Variants in GADL1 observed in about 807,000 individuals in gnomAD.
GADL1 encodes the protein GAD like acidic amino acid decarboxylase 1, also known as acidic amino acid decarboxylase GADL1.
GADL1 carries 71 observed loss-of-function variants against 69.5 expected under a neutral mutation model. The observed-to-expected ratio is 1.02, with a 90% CI of 0.84 to 1.25. The LOEUF is 1.25. GADL1 is among the 50% of genes most tolerant of loss of function. GADL1 has a pLI of 0.00. For synonymous variants in GADL1, 254 were observed against 214.4 expected, an observed-to-expected ratio of 1.18 and a Z score of -1.62; for missense variants, 737 against 631.8, an observed-to-expected ratio of 1.17 and a Z score of -1.79.
chr3:30,842,802 T>G (rs1697989222), intron 8 of GADL1, among the ~76,000 whole-genome samples: 2 of 139,142 alleles, frequency 1.4e-5, no homozygotes, highest in African/African-American at 5.4e-5. Flanking sequence ...ACAATAAAGT[T>G]CACTTGTCAT....
chr3:30,872,327 C>T (rs1001119727), intron 1 of GADL1, among the ~76,000 whole-genome samples: 2 of 151,826 alleles, frequency 1.3e-5, no homozygotes, highest in African/African-American at 4.8e-5. Context: ...CTGTATCTTC[C>T]TTCTTCTCTC....
chr3:30,743,523 A>G (rs947233850), intron 14 of GADL1, among the ~76,000 whole-genome samples: 1 of 152,138 alleles, frequency 6.6e-6, no homozygotes, highest in African/African-American at 2.4e-5. Flanking sequence ...AAACAGAAAC[A>G]CACGTATGGA....
chr3:30,791,336 A>G (rs1179788941), intron 12 of GADL1, among the ~76,000 whole-genome samples: 2 of 152,168 alleles, frequency 1.3e-5, no homozygotes, highest in Non-Finnish European at 2.9e-5. Context: ...CTATGAAGAA[A>G]GCTTTCTCCA....
At chr3:30,795,829 G>A (rs1231009413) in intron 12 of GADL1, among the ~76,000 whole-genome samples, 1 of 152,138 alleles carries the variant, frequency 6.6e-6, no homozygotes, top group African/African-American at 2.4e-5. Context: ...GGAATAGACT[G>A]TTGGATATCA....
At chr3:30,764,185 A>G (rs1409860223) in intron 14 of GADL1, among the ~76,000 whole-genome samples, 1 of 151,578 alleles carries the variant, frequency 6.6e-6, no homozygotes, top group Non-Finnish European at 1.5e-5. Flanking sequence ...TTCAAAACTT[A>G]GTTCTTAAGT....
intron 2 of GADL1, among the ~76,000 whole-genome samples, chr3:30,858,288 G>T (rs886521624): frequency 1.3e-5 from 2 of 151,992 alleles, no homozygotes; most frequent in African/African-American, 4.8e-5. Context: ...ACATATTATA[G>T]AGTTTGGACT....
At chr3:30,752,756 C>G (rs1157803918) in intron 14 of GADL1, among the ~76,000 whole-genome samples, 1 of 152,088 alleles carries the variant, frequency 6.6e-6, no homozygotes, top group Non-Finnish European at 1.5e-5. Context: ...AAGTGGAGTC[C>G]AAAGATTTGT....
intron 1 of GADL1, among the ~76,000 whole-genome samples, chr3:30,863,027 TCACACACACACA>T (rs397875196): frequency 1.8e-5 from 2 of 110,216 alleles, no homozygotes; most frequent in East Asian, 3.7e-4. Context: ...CATGTCTGTT[TCACACACACACA>T]CACACACACA....
At chr3:30,810,175 C>A (rs533793670) in intron 11 of GADL1, among the ~76,000 whole-genome samples, 3 of 152,284 alleles carry the variant, frequency 2.0e-5, no homozygotes, top group Admixed American at 2.0e-4. Flanking sequence ...TCAGCCCTTT[C>A]ACAAACTGGC....
intron 14 of GADL1, among the ~76,000 whole-genome samples, chr3:30,733,470 C>T (rs1179515084): frequency 6.6e-6 from 1 of 152,136 alleles, no homozygotes; most frequent in Non-Finnish European, 1.5e-5. Flanking sequence ...AAATCTAGTT[C>T]ATGGAAAAAA....
chr3:30,883,251 T>C (rs138595578), intron 1 of GADL1, among the ~76,000 whole-genome samples: 14 of 152,074 alleles, frequency 9.2e-5, no homozygotes, highest in African/African-American at 3.4e-4. Flanking sequence ...CTTTCTCTTT[T>C]TGTTTCCTGA....
At chr3:30,762,256 CATGGCAG>C (rs1483769824) in intron 14 of GADL1, among the ~76,000 whole-genome samples, 3 of 152,120 alleles carry the variant, frequency 2.0e-5, no homozygotes, top group Non-Finnish European at 2.9e-5. Flanking sequence ...TGAGAAGGTT[CATGGCAG>C]TAATCTAGGT....
chr3:30,766,698 G>A (rs1696290161), intron 14 of GADL1, among the ~76,000 whole-genome samples: 1 of 152,144 alleles, frequency 6.6e-6, no homozygotes, highest in Non-Finnish European at 1.5e-5. Context: ...TGATAGGCTG[G>A]CTTTCCAAGT....
At chr3:30,811,328 G>A (rs1415518973) in intron 11 of GADL1, among the ~76,000 whole-genome samples, 1 of 152,182 alleles carries the variant, frequency 6.6e-6, no homozygotes, top group Admixed American at 6.5e-5. Flanking sequence ...CAGTTTCTTA[G>A]AGAATGTGTA....
chr3:30,859,637 G>A (rs1345656669), intron 2 of GADL1, among the ~76,000 whole-genome samples: 1 of 151,810 alleles, frequency 6.6e-6, no homozygotes, highest in Non-Finnish European at 1.5e-5. Flanking sequence ...CACCCCAAAG[G>A]GGTAAATTTT....
chr3:30,766,177 G>A (rs1575193352), intron 14 of GADL1, among the ~76,000 whole-genome samples: 1 of 152,188 alleles, frequency 6.6e-6, no homozygotes, highest in South Asian at 2.1e-4. Flanking sequence ...AGGCCTCCAG[G>A]AGGAAATTGA....
At chr3:30,829,767 A>G (rs1184533812) in intron 11 of GADL1, among the ~76,000 whole-genome samples, 1 of 151,918 alleles carries the variant, frequency 6.6e-6, no homozygotes, top group Non-Finnish European at 1.5e-5. Context: ...CTTGCTAGGC[A>G]CTGACAACAC....
At chr3:30,764,219 C>G (rs182846526) in intron 14 of GADL1, among the ~76,000 whole-genome samples, 32 of 109,498 alleles carry the variant, frequency 2.9e-4, no homozygotes, top group African/African-American at 1.1e-3. Flanking sequence ...AAGAAAAATT[C>G]TCTTAAGAGA....
chr3:30,728,177 C>T lies in GADL1; in HGVS notation c.*65G>A, dbSNP rs1695397291. On this transcript the variant is annotated 3_prime_UTR_variant, in exon 15 of 15. Coordinates refer to ENST00000282538, the MANE Select transcript of GADL1 (RefSeq NM_207359.3). ...AGGGCTGCAATCTACTGTGTATCTC[C>T]AAGATGTTCTGGATCTAAACTCTCC... 3 of 1,418,902 alleles carry T rather than the reference C, an allele frequency of 2.1e-6. No individual in the cohort carries two copies. The highest frequency in any genetic ancestry group is 2.4e-5 in the South Asian group (2 of 84,330). 87.9% of individuals were successfully genotyped at this position (1,418,902 alleles called of 1,614,324 possible). A position where few individuals can be genotyped will look rare whatever the true frequency, so the allele number is the denominator to read the frequency against.
Sources: allele counts gnomAD v4.1 joint callset (sites outside exome capture counted in the v4.1 genomes callset), GRCh38; gene constraint gnomAD v4.1.1; transcripts MANE v1.5; gene names NCBI Gene and HGNC (gene_info 2026-07-23, HGNC 2026-07-21).